The following FAM227B variants were observed in gnomAD, a reference collection of about 807,000 sequenced individuals.
The protein encoded by FAM227B is family with sequence similarity 227 member B.
In FAM227B, 88 loss-of-function variants were observed where a neutral mutation model predicts 73.8. That is an observed-to-expected ratio of 1.19 (90% confidence interval 1.00 to 1.42). The LOEUF is 1.42. FAM227B is among the 40% of genes most tolerant of loss of function. The pLI is 0.00. For synonymous variants in FAM227B, 210 were observed against 190.5 expected (o/e 1.10, Z -0.84); for missense variants, 632 against 590.9 (o/e 1.07, Z -0.72).
At position 49,366,506 on chromosome 15, in the gene FAM227B, G is replaced by T. The variant is rs1358696805; in HGVS notation, c.1271+942C>A. The T allele has an allele frequency of 2.3e-6, 3 of 1,316,474 alleles. No individual in the cohort carries two copies. In the Admixed American group the frequency reaches 5.0e-5, roughly 22 times the overall value. The allele number at this position is 1,316,474 out of a possible 1,614,324, so 81.5% of individuals were successfully genotyped here. ...AGTCAGATTCATCAAACTAATGGAA[G>T]TTGCATTTTCTAGGGTACTTGGAAG... On this transcript the variant is annotated intron_variant, in intron 13 of 15. Coordinates refer to ENST00000299338, the MANE Select transcript of FAM227B (RefSeq NM_152647.3).
Position 49,335,502 on chromosome 15 carries a change from A to C in FAM227B, c.1272-6T>G. On this transcript the variant is annotated splice_region_variant and splice_polypyrimidine_tract_variant and intron_variant, in intron 13 of 15. Coordinates refer to ENST00000299338, the MANE Select transcript of FAM227B (RefSeq NM_152647.3). ...GGTATGTTGGAGCAGGTAGTGTGCTAGGCTTATTATTAAGGAATGATTTTC... is the reference window on the plus strand; with the variant it reads ...GGTATGTTGGAGCAGGTAGTGTGCTCGGCTTATTATTAAGGAATGATTTTC... 1 of 1,608,248 alleles carries C rather than the reference A, an allele frequency of 6.2e-7. No individual in the cohort carries two copies. The highest frequency in any genetic ancestry group is 8.5e-7 in the Non-Finnish European group (1 of 1,174,980).
At chr15:49,522,072 A>T (rs1202320270) in intron 10 of FAM227B, among the ~76,000 whole-genome samples, 3 of 152,190 alleles carry the variant, frequency 2.0e-5, no homozygotes, top group Non-Finnish European at 2.9e-5. Context: ...TTCCTAAGAC[A>T]TCCACACTCT....
chr15:49,616,021 T>C (rs780109342), intron 1 of FAM227B, among the ~76,000 whole-genome samples: 6 of 152,210 alleles, frequency 3.9e-5, no homozygotes, highest in Non-Finnish European at 7.3e-5. Context: ...TACTATTTCT[T>C]CCTTTCTTCC....
intron 10 of FAM227B, among the ~76,000 whole-genome samples, chr15:49,530,483 G>T (rs1302506010): frequency 6.6e-6 from 1 of 151,762 alleles, no homozygotes; most frequent in Non-Finnish European, 1.5e-5. Flanking sequence ...TTAATCTGAA[G>T]ATATCAAAAT....
In FAM227B at chr15:49,550,680, G is replaced by A. The variant is rs553186929; in HGVS notation, c.748-8874C>T. On this transcript the variant is annotated intron_variant, in intron 9 of 15. Coordinates refer to ENST00000299338, the MANE Select transcript of FAM227B (RefSeq NM_152647.3). ...CAGAGGCTCTCCCCACATCTCAGAC[G>A]ATGGGCGGCCGGGCAGAGACGCTCC... Among the ~76,000 whole-genome samples, 178 of 151,798 alleles carry A rather than the reference G, an allele frequency of 1.2e-3. 1 individual carries two copies. In the East Asian group the frequency reaches 0.012, roughly 11 times the overall value.
At chr15:49,457,821 T>C (rs891004752) in intron 11 of FAM227B, among the ~76,000 whole-genome samples, 1 of 151,982 alleles carries the variant, frequency 6.6e-6, no homozygotes, top group Non-Finnish European at 1.5e-5. Flanking sequence ...AGTCATCAGT[T>C]AAATGGTATA....
intron 11 of FAM227B, among the ~76,000 whole-genome samples, chr15:49,499,150 A>G (rs1466435685): frequency 8.1e-6 from 1 of 123,662 alleles, no homozygotes. Flanking sequence ...TGGGCGACAG[A>G]GCGAGACTCC....
At chr15:49,524,972 C>T (rs1216719864) in intron 10 of FAM227B, among the ~76,000 whole-genome samples, 1 of 152,202 alleles carries the variant, frequency 6.6e-6, no homozygotes, top group Non-Finnish European at 1.5e-5. Flanking sequence ...TTTGATTTCA[C>T]AGGCTCATAG....
intron 9 of FAM227B, among the ~76,000 whole-genome samples, chr15:49,543,072 A>G (rs995796730): frequency 6.6e-6 from 1 of 152,122 alleles, no homozygotes; most frequent in African/African-American, 2.4e-5. Flanking sequence ...TAGTTCTTTG[A>G]GTAATCCTCA....
At chr15:49,351,584 C>T (rs558996749) in intron 13 of FAM227B, among the ~76,000 whole-genome samples, 2 of 152,336 alleles carry the variant, frequency 1.3e-5, no homozygotes, top group South Asian at 4.1e-4. Context: ...AACACATACA[C>T]CGTCCCAAGT....
At chr15:49,407,622 T>C (rs1307013160) in intron 11 of FAM227B, among the ~76,000 whole-genome samples, 1 of 148,376 alleles carries the variant, frequency 6.7e-6, no homozygotes, top group Admixed American at 6.7e-5. Context: ...TTCGTACTAA[T>C]ATATATGTAT....
intron 9 of FAM227B, among the ~76,000 whole-genome samples, chr15:49,546,090 C>A (rs1439210325): frequency 6.6e-6 from 1 of 151,888 alleles, no homozygotes; most frequent in East Asian, 1.9e-4. Context: ...GTATATCTCC[C>A]AATGCTATCC....
chr15:49,342,428 CT>C (rs2040877256), intron 13 of FAM227B, among the ~76,000 whole-genome samples: 1 of 152,030 alleles, frequency 6.6e-6, no homozygotes, highest in African/African-American at 2.4e-5. Flanking sequence ...GGTGTTGTTA[CT>C]TGTAAAAAGG....
At chr15:49,339,696 C>T (rs2040373522) in intron 13 of FAM227B, among the ~76,000 whole-genome samples, 1 of 152,134 alleles carries the variant, frequency 6.6e-6, no homozygotes, top group South Asian at 2.1e-4. Flanking sequence ...CAAGTATGGA[C>T]GTTTAAGTTT....
At chr15:49,579,403 C>T (rs1009903558) in intron 5 of FAM227B, among the ~76,000 whole-genome samples, 1 of 152,082 alleles carries the variant, frequency 6.6e-6, no homozygotes, top group African/African-American at 2.4e-5. Context: ...ATCTAAGTTT[C>T]CATCAAAGGA....
chr15:49,601,626 CTA>C (rs2077210947), intron 3 of FAM227B, among the ~76,000 whole-genome samples: 1 of 152,110 alleles, frequency 6.6e-6, no homozygotes, highest in South Asian at 2.1e-4. Flanking sequence ...AGCATTTATC[CTA>C]TGTGTCACAA....
At chr15:49,371,106 A>G (rs1271605229) in intron 12 of FAM227B, among the ~76,000 whole-genome samples, 196 bp downstream of exon 12, 1 of 152,152 alleles carries the variant, frequency 6.6e-6, no homozygotes, top group African/African-American at 2.4e-5. Flanking sequence ...AGAAATGGGG[A>G]TATTTTCAGA....
chr15:49,496,931 TCACACA>T lies in FAM227B; in HGVS notation c.1012+11274_1012+11279del, dbSNP rs147133019. Among the ~76,000 whole-genome samples the T allele has an allele frequency of 2.1e-5, 3 of 142,128 alleles. No individual in the cohort carries two copies. The Admixed American group carries it at 2.1e-4, about 10-fold the overall frequency. The allele number at this position is 142,128 out of a possible 152,430, so 93.2% of individuals were successfully genotyped here. On this transcript the variant is annotated intron_variant, in intron 11 of 15. Transcript: ENST00000299338. ...GAATAAGGTTTTAGTATACACAAAG[TCACACA>T]CACACACACACACACACACACAGCT...
At chr15:49,342,389 T>A (rs560318136) in intron 13 of FAM227B, among the ~76,000 whole-genome samples, 2 of 152,318 alleles carry the variant, frequency 1.3e-5, no homozygotes, top group South Asian at 4.1e-4. Flanking sequence ...TAGAACTTTC[T>A]CCAGTCCTTT....
Sources: allele counts gnomAD v4.1 joint callset (sites outside exome capture counted in the v4.1 genomes callset), GRCh38; gene constraint gnomAD v4.1.1; transcripts MANE v1.5; gene names NCBI Gene and HGNC (gene_info 2026-07-23, HGNC 2026-07-21).